MTUS2: variants seen among roughly 807,000 people sequenced by gnomAD.
MTUS2 encodes microtubule-associated tumor suppressor candidate 2.
In MTUS2, 40 loss-of-function variants were observed where a neutral mutation model predicts 114.1. The ratio of observed to expected loss-of-function variants is 0.35; its 90% confidence interval spans 0.27 to 0.46. The LOEUF is 0.46. Ranked by LOEUF, MTUS2 falls within the 20% of genes least tolerant of loss-of-function variation. MTUS2 has a pLI of 1.00. For missense variants in MTUS2, 1,679 were observed against 1,705.4 expected (o/e 0.98, Z 0.27); for synonymous variants, 688 against 672.0 (o/e 1.02, Z -0.37).
chr13:29,492,766 C>A, intron 12 of MTUS2, 47 bp downstream of exon 12: 1 of 1,398,050 alleles, frequency 7.2e-7, no homozygotes, highest in Admixed American at 1.7e-5. Flanking sequence ...ATAATGGCAG[C>A]ATCATTATTC....
At chr13:29,466,321 A>G (rs1382137649) in intron 9 of MTUS2, among the ~76,000 whole-genome samples, 2 of 152,212 alleles carry the variant, frequency 1.3e-5, no homozygotes, top group Non-Finnish European at 2.9e-5. Context: ...TGCCATCAAC[A>G]CACTCTTGGG....
At chr13:29,163,505 C>T (rs995532679) in intron 5 of MTUS2, among the ~76,000 whole-genome samples, 10 of 152,176 alleles carry the variant, frequency 6.6e-5, no homozygotes, top group Admixed American at 2.0e-4. Context: ...CATGTTCCAT[C>T]ATGGGTCAGC....
At chr13:29,498,294 G>T in intron 13 of MTUS2, 124 bp from the exon 14 acceptor site, 1 of 1,340,002 alleles carries the variant, frequency 7.5e-7, no homozygotes, top group Non-Finnish European at 1.0e-6. Flanking sequence ...TCTCTCTTTG[G>T]TGTTGCAGTT....
intron 2 of MTUS2, among the ~76,000 whole-genome samples, chr13:29,004,392 A>C (rs1885515714): frequency 9.6e-6 from 1 of 104,368 alleles, no homozygotes; most frequent in Admixed American, 1.3e-4. Context: ...TTATATATTC[A>C]AAATAACTCC....
chr13:29,073,547 TTG>T (rs1889042457), intron 4 of MTUS2, among the ~76,000 whole-genome samples: 2 of 144,780 alleles, frequency 1.4e-5, no homozygotes, highest in African/African-American at 5.1e-5. Flanking sequence ...GTGTGTGTGT[TTG>T]GGGGTGGGGG....
intron 5 of MTUS2, among the ~76,000 whole-genome samples, chr13:29,158,358 C>CCCCCCCCCCTTTTT: frequency 1.9e-4 from 6 of 32,056 alleles, no homozygotes; most frequent in Admixed American, 4.2e-4. Flanking sequence ...GTCCACCCCG[C>CCCCCCCCCCTTTTT]TTTTTTTTTT....
intron 4 of MTUS2, among the ~76,000 whole-genome samples, chr13:29,091,577 C>T (rs999540530): frequency 6.6e-6 from 1 of 152,136 alleles, no homozygotes; most frequent in Admixed American, 6.5e-5. Context: ...TCCAGTCTTC[C>T]CCTTAGTGCT....
Position 29,501,438 on chromosome 13 carries a change from C to T in MTUS2, c.3896+244C>T, listed in dbSNP as rs558500312. On this transcript the variant is annotated intron_variant, in intron 15 of 15. Coordinates refer to ENST00000612955, the MANE Select transcript of MTUS2 (RefSeq NM_001033602.4). ...AAAAGTGTGCAGCAGGGTCCTCCTG[C>T]AGCACTGGGAGGGGAAGGGGTTTAT... Among the ~76,000 whole-genome samples the T allele has an allele frequency of 1.7e-3, 258 of 152,308 alleles. 1 individual carries two copies. The highest frequency in any genetic ancestry group is 3.1e-3 in the Admixed American group (48 of 15,298).
At chr13:29,082,656 A>G (rs1410567163) in intron 4 of MTUS2, among the ~76,000 whole-genome samples, 2 of 152,172 alleles carry the variant, frequency 1.3e-5, no homozygotes, top group Admixed American at 6.5e-5. Context: ...AGCTATGCCA[A>G]GCTTGCAGGG....
chr13:28,847,904 T>A (rs918604837), intron 2 of MTUS2, among the ~76,000 whole-genome samples: 2 of 151,498 alleles, frequency 1.3e-5, no homozygotes, highest in Non-Finnish European at 2.9e-5. Flanking sequence ...AGGAGGGGAG[T>A]AGCTAGGCCT....
chr13:29,178,167 C>T (rs1283590924), intron 5 of MTUS2, among the ~76,000 whole-genome samples: 4 of 152,120 alleles, frequency 2.6e-5, no homozygotes, highest in African/African-American at 7.2e-5. Context: ...GCATATAGGT[C>T]TGATCACGTT....
intron 2 of MTUS2, among the ~76,000 whole-genome samples, chr13:28,844,590 A>AGAGTGTGTGT (rs148980977): frequency 2.0e-5 from 3 of 148,100 alleles, no homozygotes; most frequent in Non-Finnish European, 4.5e-5. Flanking sequence ...TTTGTGTGTG[A>AGAGTGTGTGT]GTGTGTGTGT....
chr13:28,948,412 T>C (rs1495937), intron 2 of MTUS2, among the ~76,000 whole-genome samples: 2,775 of 152,230 alleles, frequency 0.018, 82 homozygotes, highest in African/African-American at 0.062. Context: ...AGCTTTATAA[T>C]CCTTTAGGGC....
At chr13:28,968,102 C>A (rs1883682510) in intron 2 of MTUS2, among the ~76,000 whole-genome samples, 1 of 152,218 alleles carries the variant, frequency 6.6e-6, no homozygotes. Context: ...CCTTTTGCTG[C>A]ATGACTGTAT....
rs1255068636 is a variant in MTUS2, at chr13:28,955,239, TTG to T, written c.-242-69217_-242-69216del. Reference sequence around the variant, plus strand: ...GACATTGCACGATTTCTGTGAAGTTTTGCGTAATGCAGCTTGCATTATGGTTA... The same window carrying T: ...GACATTGCACGATTTCTGTGAAGTTTCGTAATGCAGCTTGCATTATGGTTA... On this transcript the variant is annotated intron_variant, in intron 2 of 15. Transcript: ENST00000612955. Among the ~76,000 whole-genome samples, 5 of 152,320 alleles carry T rather than the reference TTG, an allele frequency of 3.3e-5. No homozygotes were observed. The South Asian group carries it at 6.2e-4, about 19-fold the overall frequency.
rs371499738 is a variant in MTUS2 at position 29,090,970 on chromosome 13, T to G, written c.2447-9803T>G. Among the ~76,000 whole-genome samples the G allele has an allele frequency of 6.6e-5, 10 of 152,256 alleles. No individual in the cohort carries two copies. In the South Asian group the frequency reaches 2.1e-3, roughly 32 times the overall value. On this transcript the variant is annotated intron_variant, in intron 4 of 15. Coordinates refer to ENST00000612955, the MANE Select transcript of MTUS2 (RefSeq NM_001033602.4). Reference sequence around the variant, plus strand: ...TCCTGCAGCTAGGATCCTGGAGGTCTGTGGAGAGAGTAGTCCACTCTATTC... The same window carrying G: ...TCCTGCAGCTAGGATCCTGGAGGTCGGTGGAGAGAGTAGTCCACTCTATTC...
At chr13:28,937,056 G>T (rs1298264588) in intron 2 of MTUS2, among the ~76,000 whole-genome samples, 1 of 152,172 alleles carries the variant, frequency 6.6e-6, no homozygotes, top group Non-Finnish European at 1.5e-5. Flanking sequence ...CAGTTCTTGT[G>T]GCTATAGACT....
At chr13:28,920,850 G>C (rs1242040132) in intron 2 of MTUS2, among the ~76,000 whole-genome samples, 1 of 152,180 alleles carries the variant, frequency 6.6e-6, no homozygotes, top group Non-Finnish European at 1.5e-5. Flanking sequence ...CCACAAGGGA[G>C]TTTCTCTCAG....
intron 2 of MTUS2, among the ~76,000 whole-genome samples, chr13:28,910,545 C>T (rs1053369552): frequency 6.6e-6 from 1 of 152,046 alleles, no homozygotes; most frequent in Admixed American, 6.6e-5. Flanking sequence ...TTCCTCCCCC[C>T]AGCCCCCCAG....
Sources: allele counts gnomAD v4.1 joint callset (sites outside exome capture counted in the v4.1 genomes callset), GRCh38; gene constraint gnomAD v4.1.1; transcripts MANE v1.5; gene names NCBI Gene and HGNC (gene_info 2026-07-23, HGNC 2026-07-21).